URI1: variants seen among roughly 807,000 people sequenced by gnomAD.
URI1 encodes URI1 prefoldin like chaperone, also known as unconventional prefoldin RPB5 interactor 1.
In URI1, 39 loss-of-function variants were observed where a neutral mutation model predicts 60.2. The observed-to-expected ratio is 0.65, with a 90% confidence interval of 0.50 to 0.85. The LOEUF is 0.85. Among genes scored for constraint, URI1 ranks in the 40% least tolerant of loss-of-function variants. The pLI, the probability that URI1 is intolerant of heterozygous loss-of-function variation, is 0.00. For synonymous variants in URI1, 251 were observed against 236.8 expected (o/e 1.06, Z -0.55); for missense variants, 691 against 665.9 (o/e 1.04, Z -0.42).
At chr19:29,932,789 T>C (rs2054933736) in intron 1 of URI1, among the ~76,000 whole-genome samples, 1 of 151,784 alleles carries the variant, frequency 6.6e-6, no homozygotes, top group South Asian at 2.1e-4. Flanking sequence ...GTAGCTGGGA[T>C]TGCAGGTGCC....
chr19:30,002,063 G>A (rs2055885540), intron 4 of URI1, among the ~76,000 whole-genome samples: 1 of 151,948 alleles, frequency 6.6e-6, no homozygotes. Context: ...ACGAGGTTGA[G>A]AATAGAGTGG....
chr19:29,983,597 T>A (rs1451219912), intron 2 of URI1, among the ~76,000 whole-genome samples: 1 of 152,114 alleles, frequency 6.6e-6, no homozygotes, highest in African/African-American at 2.4e-5. Context: ...TTTGTTTCTG[T>A]TATTTTTAAA....
chr19:29,962,527 T>C (rs138166523), intron 1 of URI1, among the ~76,000 whole-genome samples: 12 of 151,592 alleles, frequency 7.9e-5, no homozygotes, highest in African/African-American at 2.7e-4. Context: ...ATTTTAATTC[T>C]ACGTATTTTA....
intron 8 of URI1, among the ~76,000 whole-genome samples, chr19:30,010,360 T>C (rs1409334197): frequency 6.6e-6 from 1 of 152,236 alleles, no homozygotes; most frequent in Non-Finnish European, 1.5e-5. Flanking sequence ...TATTCTAATA[T>C]GTCAGACTGA....
chr19:29,926,260 C>CTTCCTTCA (rs2054866132), intron 1 of URI1, among the ~76,000 whole-genome samples: 2 of 141,882 alleles, frequency 1.4e-5, no homozygotes, highest in Admixed American at 7.2e-5. Context: ...TCCTTCCTTC[C>CTTCCTTCA]TTCCTTCCTT....
chr19:29,951,291 CA>C (rs1283890143), intron 1 of URI1, among the ~76,000 whole-genome samples: 1 of 152,184 alleles, frequency 6.6e-6, no homozygotes, highest in African/African-American at 2.4e-5. Flanking sequence ...TCCTATTCCT[CA>C]AAAGCCTTTT....
chr19:29,958,580 T>C (rs2055280331), intron 1 of URI1, among the ~76,000 whole-genome samples: 3 of 152,252 alleles, frequency 2.0e-5, no homozygotes, highest in Non-Finnish European at 4.4e-5. Flanking sequence ...TAGATTAAAT[T>C]TGATAATATT....
intron 1 of URI1, among the ~76,000 whole-genome samples, chr19:29,933,908 T>C (rs76591089): frequency 0.09 from 13,188 of 146,414 alleles, 1,057 homozygotes; most frequent in East Asian, 0.2. Context: ...ACTCTAATCT[T>C]TGTTATTCCT....
rs1483248203 is a variant in URI1, at chr19:29,994,681, A to G, written c.367+8264A>G. On this transcript the variant is annotated intron_variant, in intron 4 of 10. Transcript: ENST00000392271. ...GTTCGCTATTGTGAATAGTGCTGCT[A>G]TGAATATAGGTATACAAATATTTAT... 8.5e-5 allele frequency among the ~76,000 whole-genome samples: 13 copies of G among 152,224 alleles called. No individual in the cohort carries two copies. In the East Asian group the frequency reaches 2.3e-3, roughly 27 times the overall value.
Position 30,005,842 on chromosome 19 carries a change from C to A in URI1, c.517+134C>A, listed in dbSNP as rs536961077. ...CATAGGATGCCAACATTTTTCTACT[C>A]ATTGATTTTTTTTTATGTGAAACAT... On this transcript the variant is annotated intron_variant, in intron 6 of 10. Transcript: ENST00000392271. 5 of 760,822 alleles carry A rather than the reference C, an allele frequency of 6.6e-6. No homozygotes were observed. In the South Asian group the frequency reaches 1.2e-4, roughly 18 times the overall value. The allele number at this position is 760,822 out of a possible 1,614,324, so 47.1% of individuals were successfully genotyped here.
At chr19:29,950,387 CAG>C (rs1453310531) in intron 1 of URI1, among the ~76,000 whole-genome samples, 3 of 149,442 alleles carry the variant, frequency 2.0e-5, no homozygotes, top group Non-Finnish European at 4.5e-5. Context: ...CCCTTATCTC[CAG>C]AGTGATGTCT....
In URI1 at chr19:29,996,389, T is replaced by C. The variant is rs189528972; in HGVS notation, c.368-8972T>C. 1.7e-3 allele frequency among the ~76,000 whole-genome samples: 259 copies of C among 152,306 alleles called. 1 individual carries two copies. The highest frequency in any genetic ancestry group is 6.0e-3 in the African/African-American group (251 of 41,572). On this transcript the variant is annotated intron_variant, in intron 4 of 10. Transcript: ENST00000392271. Reference sequence around the variant, plus strand: ...AATTTCCTTTTTAGATTGCTCATTGTTAGTGCATAGAAATGCAGTTGATTT... The same window carrying C: ...AATTTCCTTTTTAGATTGCTCATTGCTAGTGCATAGAAATGCAGTTGATTT...
chr19:30,002,242 T>C lies in URI1; in HGVS notation c.368-3119T>C, dbSNP rs546020389. Among the ~76,000 whole-genome samples the C allele has an allele frequency of 2.6e-5, 4 of 152,228 alleles. No homozygotes were observed. In the East Asian group the frequency reaches 7.7e-4, roughly 29 times the overall value. ...TCTGCATTTCTGTTCCTTTCAAATA[T>C]ATACAATTCTACAAACTGTTAACTA... On this transcript the variant is annotated intron_variant, in intron 4 of 10. Transcript: ENST00000392271.
At chr19:29,968,565 C>CTTTTTTTTTTTTTTTTTTTTTTTTT (rs35475321) in intron 1 of URI1, among the ~76,000 whole-genome samples, 3 of 74,428 alleles carry the variant, frequency 4.0e-5, no homozygotes, top group Non-Finnish European at 4.9e-5. Context: ...CTAATTTTTT[C>CTTTTTTTTTTTTTTTTTTTTTTTTT]TTTTTTTTTT....
chr19:29,953,093 A>C (rs2055199548), intron 1 of URI1, among the ~76,000 whole-genome samples: 1 of 152,214 alleles, frequency 6.6e-6, no homozygotes, highest in South Asian at 2.1e-4. Flanking sequence ...AAATTCATCT[A>C]GGATATTTTC....
upstream of URI1, among the ~76,000 whole-genome samples, chr19:29,940,669 A>G (rs2055014112): frequency 6.6e-6 from 1 of 152,072 alleles, no homozygotes; most frequent in Non-Finnish European, 1.5e-5. Flanking sequence ...AGCCTCCAGG[A>G]AGTCTCTGTT....
chr19:29,935,264 A>C (rs2054959222), intron 1 of URI1, among the ~76,000 whole-genome samples: 1 of 152,168 alleles, frequency 6.6e-6, no homozygotes, highest in African/African-American at 2.4e-5. Flanking sequence ...ATACTAACTT[A>C]GTTTTAAGAG....
rs78711466 is a variant in URI1, at chr19:29,994,063, A to G, written c.367+7646A>G. Reference sequence around the variant, plus strand: ...GCTGCAGTGAATAACCTCTGTGTGTATGTGTGTGTGTGTGTGTGTGTATCA... The same window carrying G: ...GCTGCAGTGAATAACCTCTGTGTGTGTGTGTGTGTGTGTGTGTGTGTATCA... On this transcript the variant is annotated intron_variant, in intron 4 of 10. Transcript: ENST00000392271. Among the ~76,000 whole-genome samples the G allele has an allele frequency of 2.2e-4, 32 of 147,980 alleles. 1 individual carries two copies. Among genetic ancestry groups the G allele is most frequent in the Admixed American group, 1.6e-3 (24 of 14,876 alleles).
chr19:29,923,851 G>C, intron 1 of URI1: 6 of 1,257,780 alleles, frequency 4.8e-6, no homozygotes, highest in Non-Finnish European at 6.7e-6. Context: ...GAAACAGAAT[G>C]AACAAGATAC....
Sources: gnomAD v4.1 joint callset for allele counts (sites outside exome capture counted in the v4.1 genomes callset) on GRCh38, gnomAD v4.1.1 for gene constraint, MANE v1.5 for transcripts, NCBI Gene and HGNC (gene_info 2026-07-23, HGNC 2026-07-21) for gene names.